Variants in EHBP1 observed in about 807,000 individuals in gnomAD.
EHBP1 encodes EH domain-binding protein 1.
A neutral mutation model predicts 144.0 loss-of-function variants in EHBP1; 55 were observed. That is an observed-to-expected ratio of 0.38 (90% confidence interval 0.31 to 0.48). The LOEUF is 0.48. EHBP1 is among the 20% of genes least tolerant of loss of function. EHBP1 has a pLI of 0.98. For missense variants in EHBP1, 1,200 were observed against 1,364.2 expected, an observed-to-expected ratio of 0.88 and a Z score of 1.90; for synonymous variants, 469 against 472.7, an observed-to-expected ratio of 0.99 and a Z score of 0.10.
chr2:62,948,159 T>C, intron 12 of EHBP1, 101 bp from the exon 13 acceptor site: 3 of 1,063,014 alleles, frequency 2.8e-6, no homozygotes, highest in Non-Finnish European at 3.8e-6. Context: ...ATAATGTCGA[T>C]AACATGTACC....
chr2:62,817,341 C>T (rs1189989387), intron 5 of EHBP1, among the ~76,000 whole-genome samples: 1 of 151,968 alleles, frequency 6.6e-6, no homozygotes. Flanking sequence ...GCGAGCTAGC[C>T]ATATAATATC....
chr2:63,012,913 A>G, intron 19 of EHBP1, among the ~76,000 whole-genome samples: 1 of 152,188 alleles, frequency 6.6e-6, no homozygotes, highest in East Asian at 1.9e-4. Flanking sequence ...ATTCATGTTG[A>G]ATAGTAGCAT....
chr2:62,894,669 A>T (rs1481037537), intron 10 of EHBP1, among the ~76,000 whole-genome samples: 1 of 152,148 alleles, frequency 6.6e-6, no homozygotes, highest in African/African-American at 2.4e-5. Flanking sequence ...TTTATATATG[A>T]TTGCTAAGAA....
chr2:62,751,997 G>A (rs2152223666), intron 3 of EHBP1, among the ~76,000 whole-genome samples: 2 of 151,208 alleles, frequency 1.3e-5, no homozygotes, highest in South Asian at 4.2e-4. Context: ...GTTCTTCTCT[G>A]ATCTTAGTTA....
In EHBP1 at chr2:62,743,935, G is replaced by A. The variant is rs546996810; in HGVS notation, c.105-3460G>A. Reference sequence around the variant, plus strand: ...TCTTTCTTCCTTTCCAGAATTTGACGTCAGGAGCACAATATGAGACAAAGC... The same window carrying A: ...TCTTTCTTCCTTTCCAGAATTTGACATCAGGAGCACAATATGAGACAAAGC... On this transcript the variant is annotated intron_variant, in intron 2 of 22. Coordinates refer to ENST00000431489, the MANE Select transcript of EHBP1 (RefSeq NM_001142616.3). 2.9e-4 allele frequency among the ~76,000 whole-genome samples: 44 copies of A among 151,978 alleles called. No individual in the cohort carries two copies. In the East Asian group the frequency reaches 3.5e-3, roughly 12 times the overall value.
At chr2:62,792,092 G>T (rs1357306478) in intron 5 of EHBP1, among the ~76,000 whole-genome samples, 1 of 151,992 alleles carries the variant, frequency 6.6e-6, no homozygotes, top group Non-Finnish European at 1.5e-5. Flanking sequence ...GTTAAACTTG[G>T]ATTAATATTG....
intron 10 of EHBP1, among the ~76,000 whole-genome samples, chr2:62,889,047 CTTTTTTTTTTTTTTT>C (rs71410971): frequency 5.5e-4 from 22 of 39,726 alleles, no homozygotes; most frequent in South Asian, 1.4e-3. Flanking sequence ...GTAGGTACCT[CTTTTTTTTTTTTTTT>C]TTTTTTTTTT....
At chr2:63,012,415 T>C (rs1487048153) in intron 19 of EHBP1, among the ~76,000 whole-genome samples, 1 of 152,120 alleles carries the variant, frequency 6.6e-6, no homozygotes, top group African/African-American at 2.4e-5. Context: ...ATACTTGTCA[T>C]AAATTAGGTT....
chr2:62,762,970 C>A (rs2040878527), intron 3 of EHBP1, among the ~76,000 whole-genome samples: 1 of 152,112 alleles, frequency 6.6e-6, no homozygotes, highest in Non-Finnish European at 1.5e-5. Context: ...TTTCTCTGGC[C>A]TTGTGTCTTA....
chr2:62,845,562 A>G (rs1250056805), intron 7 of EHBP1, among the ~76,000 whole-genome samples: 3 of 152,146 alleles, frequency 2.0e-5, no homozygotes, highest in African/African-American at 7.2e-5. Context: ...TTTTATTAGA[A>G]GGTTCCTTAA....
intron 10 of EHBP1, among the ~76,000 whole-genome samples, chr2:62,902,302 C>T (rs1312396841): frequency 6.6e-6 from 1 of 151,862 alleles, no homozygotes; most frequent in Non-Finnish European, 1.5e-5. Flanking sequence ...ATTGTTGATG[C>T]ACTAGTGCCT....
At chr2:62,851,221 A>G (rs1176337514) in intron 7 of EHBP1, among the ~76,000 whole-genome samples, 5 of 152,100 alleles carry the variant, frequency 3.3e-5, no homozygotes, top group Non-Finnish European at 7.4e-5. Context: ...GATTCCCATA[A>G]CTCTCAGAAT....
intron 5 of EHBP1, among the ~76,000 whole-genome samples, chr2:62,778,443 C>T (rs1176237061): frequency 1.3e-5 from 2 of 151,024 alleles, no homozygotes; most frequent in African/African-American, 2.4e-5. Context: ...ACTTGGGAGG[C>T]TGAGGCAAGA....
intron 7 of EHBP1, among the ~76,000 whole-genome samples, 165 bp downstream of exon 7, chr2:62,831,323 G>T (rs1185907696): frequency 1.3e-5 from 2 of 151,908 alleles, no homozygotes; most frequent in African/African-American, 4.8e-5. Context: ...AACTTTCCAT[G>T]CTGTTTATAA....
intron 10 of EHBP1, among the ~76,000 whole-genome samples, chr2:62,880,629 G>A (rs2051324406): frequency 2.6e-5 from 4 of 152,070 alleles, no homozygotes; most frequent in Admixed American, 2.0e-4. Context: ...ACATACATGT[G>A]GCCATCGAGT....
chr2:62,895,717 G>A (rs1018172572), intron 10 of EHBP1, among the ~76,000 whole-genome samples: 3 of 152,130 alleles, frequency 2.0e-5, no homozygotes, highest in Admixed American at 6.6e-5. Flanking sequence ...AATATCCCAG[G>A]CCAGAAATCA....
At chr2:62,979,708 T>G (rs1430412733) in intron 15 of EHBP1, among the ~76,000 whole-genome samples, 1 of 152,144 alleles carries the variant, frequency 6.6e-6, no homozygotes, top group African/African-American at 2.4e-5. Context: ...CATGAAAGAT[T>G]TTCACTTAAA....
intron 19 of EHBP1, among the ~76,000 whole-genome samples, chr2:63,010,928 G>C (rs989045809): frequency 6.6e-6 from 1 of 151,498 alleles, no homozygotes; most frequent in Non-Finnish European, 1.5e-5. Context: ...ACATTTCTTT[G>C]TACCAGTATG....
In EHBP1 at chr2:62,958,359, A is replaced by G. The variant is rs1157238909; in HGVS notation, c.2460+2699A>G. ...TGAATAAACACATCCTGATATAGCCATGCAATATAATATTACCCAGCAATA... is the reference window on the plus strand; with the variant it reads ...TGAATAAACACATCCTGATATAGCCGTGCAATATAATATTACCCAGCAATA... On this transcript the variant is annotated intron_variant, in intron 14 of 22. Transcript: ENST00000431489. 2.0e-5 allele frequency among the ~76,000 whole-genome samples: 3 copies of G among 152,256 alleles called. No individual in the cohort carries two copies. The East Asian group carries it at 5.8e-4, about 29-fold the overall frequency.
Sources: allele counts gnomAD v4.1 joint callset (sites outside exome capture counted in the v4.1 genomes callset), GRCh38; gene constraint gnomAD v4.1.1; transcripts MANE v1.5; gene names NCBI Gene and HGNC (gene_info 2026-07-23, HGNC 2026-07-21).